S100A10: variants seen among roughly 807,000 people sequenced by gnomAD.
S100A10 encodes the protein protein S100-A10.
A neutral mutation model predicts 7.1 loss-of-function variants in S100A10; 3 were observed. That is an observed-to-expected ratio of 0.42 (90% CI 0.19 to 1.10). The LOEUF is 1.10. Ranked by LOEUF, S100A10 falls within the 50% of genes least tolerant of loss-of-function variation. The probability of loss-of-function intolerance (pLI) is 0.29; values close to 1 mark genes in which losing one functional copy is unlikely to be tolerated. For missense variants in S100A10, 101 were observed against 118.1 expected, an observed-to-expected ratio of 0.86 and a Z score of 0.67; for synonymous variants, 41 against 39.3, an observed-to-expected ratio of 1.04 and a Z score of -0.16.
At chr1:151,988,004 A>G (rs765552042) in intron 1 of S100A10, among the ~76,000 whole-genome samples, 4 of 152,222 alleles carry the variant, frequency 2.6e-5, no homozygotes, top group Admixed American at 6.5e-5. Flanking sequence ...AGGGCCTCCT[A>G]TGTTTTTAGT....
Position 151,983,283 on chromosome 1 carries a change from G to C in S100A10, c.174C>G (p.Asp58Glu). The change falls in exon 3 of 3, where the codon GAC becomes GAG. Residue 58 changes from aspartate to glutamate, a missense_variant. By Grantham distance (45) the Asp-to-Glu change is conservative (BLOSUM62 2). Coordinates refer to ENST00000368811, the MANE Select transcript of S100A10 (RefSeq NM_002966.3). ...DPLAVDKIMK[D>E]LDQCRDGKVG... ...CTTTGCCATCTCTACACTGGTCCAG[G>C]TCCTTCATTATTTTGTCCACAGCCA... The C allele has an allele frequency of 2.5e-6, 4 of 1,576,334 alleles. No individual in the cohort carries two copies. Among genetic ancestry groups the C allele is most frequent in the Non-Finnish European group, 3.4e-6 (4 of 1,167,632 alleles).
intron 1 of S100A10, among the ~76,000 whole-genome samples, chr1:151,987,027 C>CAT (rs1402237382): frequency 1.2e-5 from 1 of 83,526 alleles, no homozygotes; most frequent in Non-Finnish European, 2.1e-5. Context: ...CAGTGTTCCT[C>CAT]TTTTTTTTTT....
chr1:151,986,171 A>T lies in S100A10; in HGVS notation c.60T>A (p.Ala20=). 6.2e-7 allele frequency: 1 copy of T among 1,610,616 alleles called. No individual in the cohort carries two copies. Among genetic ancestry groups the T allele is most frequent in the Non-Finnish European group, 8.5e-7 (1 of 1,179,026 alleles). Residue 20 remains alanine (A), a synonymous_variant, in exon 2 of 3, where the codon GCT becomes GCA. Transcript: ENST00000368811. The stretch of plus-strand genomic sequence containing the variant: ...CCTTTGTTAAGTAGCCTTTATCCCC[A>T]GCGAATTTGTGAAATGTAAACATCA... ...ETMMFTFHKF[A]GDKGYLTKED...
chr1:151,983,094 TG>T lies in S100A10; in HGVS notation c.*68del. 9.1e-7 allele frequency: 1 copy of T among 1,095,832 alleles called. No homozygotes were observed. Among genetic ancestry groups the T allele is most frequent in the Non-Finnish European group, 1.2e-6 (1 of 801,886 alleles). The allele number at this position is 1,095,832 out of a possible 1,614,324, so 67.9% of individuals were successfully genotyped here. A position where few individuals can be genotyped will look rare whatever the true frequency, so the allele number is the denominator to read the frequency against. On this transcript the variant is annotated 3_prime_UTR_variant, in exon 3 of 3. Transcript: ENST00000368811. ...TGAAATCCTTCTATGGGGGAAGCTG[TG>T]GGGCAGATTCCTTAAGCGACCCTTT... is the stretch of plus-strand genomic sequence containing the variant.
rs185170313 is a variant in S100A10, at chr1:151,989,708, G to A, written c.-21-3457C>T. Among the ~76,000 whole-genome samples, 13 of 152,342 alleles carry A rather than the reference G, an allele frequency of 8.5e-5. No individual in the cohort carries two copies. In the East Asian group the frequency reaches 2.1e-3, roughly 25 times the overall value. ...CAGCCCTGCCTGGCCCTCCGTTCTT[G>A]GGTGGGGCTTGCCTGGGCAGGGCTG... On this transcript the variant is annotated intron_variant, in intron 1 of 2. Coordinates refer to ENST00000368811, the MANE Select transcript of S100A10 (RefSeq NM_002966.3).
chr1:151,985,640 G>A (rs1332137542), intron 2 of S100A10, among the ~76,000 whole-genome samples: 1 of 152,218 alleles, frequency 6.6e-6, no homozygotes, highest in Non-Finnish European at 1.5e-5. Flanking sequence ...AAAATGGAAT[G>A]TGACCAGGAT....
At chr1:151,986,332 G>T (rs532321688) in intron 1 of S100A10, 81 bp from the exon 2 acceptor site, 1 of 1,010,896 alleles carries the variant, frequency 9.9e-7, no homozygotes, top group South Asian at 1.8e-5. Context: ...TTTTTAAATT[G>T]AAAGATAAAA....
intron 1 of S100A10, among the ~76,000 whole-genome samples, chr1:151,991,864 G>T (rs996172847): frequency 6.6e-6 from 1 of 152,210 alleles, no homozygotes; most frequent in Non-Finnish European, 1.5e-5. Flanking sequence ...TGGAGTGGCT[G>T]CTTAGGAGGC....
intron 1 of S100A10, among the ~76,000 whole-genome samples, chr1:151,987,572 C>A (rs527256574): frequency 7.9e-6 from 1 of 126,464 alleles, no homozygotes; most frequent in African/African-American, 3.0e-5. Flanking sequence ...CGGAGTCTTG[C>A]TCTGTTGCCC....
chr1:151,987,271 G>T (rs1012182353), intron 1 of S100A10, among the ~76,000 whole-genome samples: 1 of 151,880 alleles, frequency 6.6e-6, no homozygotes, highest in Non-Finnish European at 1.5e-5. Flanking sequence ...CTCCCAAAGT[G>T]CTGGGATTAC....
chr1:151,987,267 A>G (rs1655812803), intron 1 of S100A10, among the ~76,000 whole-genome samples: 1 of 151,872 alleles, frequency 6.6e-6, no homozygotes, highest in South Asian at 2.1e-4. Flanking sequence ...CGGCCTCCCA[A>G]AGTGCTGGGA....
chr1:151,987,158 C>T (rs569407947), intron 1 of S100A10, among the ~76,000 whole-genome samples: 4 of 151,438 alleles, frequency 2.6e-5, no homozygotes, highest in Admixed American at 2.6e-4. Context: ...GCGTCCGCCA[C>T]CATGTCCGGC....
chr1:151,986,551 TTCC>T (rs773037897), intron 1 of S100A10, among the ~76,000 whole-genome samples: 3 of 152,194 alleles, frequency 2.0e-5, no homozygotes, highest in East Asian at 3.8e-4. Flanking sequence ...CTTAAACTTA[TTCC>T]TCCTAACTGA....
intron 2 of S100A10, among the ~76,000 whole-genome samples, chr1:151,983,667 A>C (rs577112238): frequency 2.0e-5 from 3 of 152,196 alleles, no homozygotes; most frequent in Non-Finnish European, 4.4e-5. Flanking sequence ...GATTTAGGGA[A>C]TAAGTTTTGG....
intron 1 of S100A10, among the ~76,000 whole-genome samples, chr1:151,992,364 C>T (rs893346572): frequency 2.1e-4 from 32 of 152,184 alleles, no homozygotes; most frequent in African/African-American, 7.2e-4. Flanking sequence ...GCGGGAAAAG[C>T]TACCTCCCAA....
At chr1:151,992,753 T>C (rs1445030994) in intron 1 of S100A10, among the ~76,000 whole-genome samples, 2 of 152,194 alleles carry the variant, frequency 1.3e-5, no homozygotes, top group East Asian at 3.9e-4. Context: ...CGGGGTGGGC[T>C]TAATGCATCC....
chr1:151,983,236 G>A lies in S100A10; in HGVS notation c.221C>T (p.Ser74Phe). ...TGCAATGGTGAGGCCCGCAATTAGG[G>A]AAAAGAAGCTCTGGAAGCCCACTTT... ...DGKVGFQSFFSLIAGLTIACN... is the reference protein window; with the variant it reads ...DGKVGFQSFFFLIAGLTIACN... The change falls in exon 3 of 3, where the codon TCC (serine) becomes TTC (phenylalanine). Residue 74 changes from serine (S) to phenylalanine (F), a missense_variant. Transcript: ENST00000368811. The A allele has an allele frequency of 6.2e-7, 1 of 1,606,712 alleles. No homozygotes were observed. The highest frequency in any genetic ancestry group is 8.5e-7 in the Non-Finnish European group (1 of 1,177,166).
intron 1 of S100A10, among the ~76,000 whole-genome samples, chr1:151,988,997 T>C (rs1655851916): frequency 1.3e-5 from 2 of 152,050 alleles, no homozygotes. Flanking sequence ...ATCCCAGAAA[T>C]TGGAACTGGG....
intron 1 of S100A10, among the ~76,000 whole-genome samples, chr1:151,988,574 C>G (rs1453537438): frequency 6.6e-6 from 1 of 152,172 alleles, no homozygotes; most frequent in East Asian, 1.9e-4. Context: ...AGTATGGGAA[C>G]CAGCAGGCCA....
Sources: allele counts gnomAD v4.1 joint callset (sites outside exome capture counted in the v4.1 genomes callset), GRCh38; gene constraint gnomAD v4.1.1; transcripts MANE v1.5; gene names NCBI Gene and HGNC (gene_info 2026-07-23, HGNC 2026-07-21).